WWC2: variants seen among roughly 807,000 people sequenced by gnomAD.
WWC2 encodes the protein WW and C2 domain containing 2.
Under a neutral mutation model 138.5 loss-of-function variants are expected in WWC2, and 101 were observed. The observed-to-expected ratio is 0.73, with a 90% confidence interval of 0.62 to 0.86. WWC2 has a LOEUF of 0.86. WWC2 is among the 40% of genes least tolerant of loss of function. The pLI is 0.00. For missense variants in WWC2, 1,420 were observed against 1,419.4 expected, an observed-to-expected ratio of 1.00 and a Z score of -0.01; for synonymous variants, 558 against 538.4, an observed-to-expected ratio of 1.04 and a Z score of -0.50.
chr4:183,184,241 T>A (rs1389956644), intron 1 of WWC2, among the ~76,000 whole-genome samples: 1 of 152,250 alleles, frequency 6.6e-6, no homozygotes, highest in Non-Finnish European at 1.5e-5. Flanking sequence ...TGTGACATTT[T>A]GTGCCTGGCT....
chr4:183,215,991 T>C (rs1180311812), intron 4 of WWC2, among the ~76,000 whole-genome samples: 1 of 152,198 alleles, frequency 6.6e-6, no homozygotes, highest in African/African-American at 2.4e-5. Context: ...CATTTGCTCA[T>C]ATTTTGAAGG....
At chr4:183,146,320 A>G (rs1467324245) in intron 1 of WWC2, among the ~76,000 whole-genome samples, 1 of 152,190 alleles carries the variant, frequency 6.6e-6, no homozygotes. Flanking sequence ...TTGAGAGGGC[A>G]CTATTCCAGA....
intron 1 of WWC2, among the ~76,000 whole-genome samples, chr4:183,105,890 A>C (rs1200853138): frequency 7.2e-6 from 1 of 138,104 alleles, no homozygotes; most frequent in East Asian, 2.0e-4. Context: ...ACTCTGTCTT[A>C]AAAAAAAAAA....
chr4:183,137,764 G>C (rs1363299731), intron 1 of WWC2, among the ~76,000 whole-genome samples: 2 of 152,196 alleles, frequency 1.3e-5, no homozygotes, highest in African/African-American at 4.8e-5. Flanking sequence ...CTCCCAAAAT[G>C]CTGGGTTTAC....
At chr4:183,165,704 A>G (rs1469381207) in intron 1 of WWC2, among the ~76,000 whole-genome samples, 2 of 152,356 alleles carry the variant, frequency 1.3e-5, no homozygotes, top group East Asian at 3.9e-4. Context: ...CAAAGAATGT[A>G]GAAACTATAT....
intron 9 of WWC2, among the ~76,000 whole-genome samples, chr4:183,257,397 G>T (rs1737184151): frequency 6.6e-6 from 1 of 152,174 alleles, no homozygotes; most frequent in African/African-American, 2.4e-5. Context: ...CTTCTCTCCT[G>T]CAGGGCACTG....
intron 21 of WWC2, among the ~76,000 whole-genome samples, chr4:183,290,498 C>T (rs1453024284): frequency 5.5e-5 from 8 of 145,886 alleles, no homozygotes; most frequent in Non-Finnish European, 7.5e-5. Flanking sequence ...GCCTGGGCGA[C>T]AGAGTGAGAC....
At chr4:183,181,865 G>A (rs1734642770) in intron 1 of WWC2, among the ~76,000 whole-genome samples, 1 of 152,020 alleles carries the variant, frequency 6.6e-6, no homozygotes, top group African/African-American at 2.4e-5. Context: ...AGTGAAGCAA[G>A]GACTTTAATA....
chr4:183,250,044 G>A, intron 8 of WWC2, 51 bp downstream of exon 8: 1 of 1,523,330 alleles, frequency 6.6e-7, no homozygotes, highest in Non-Finnish European at 9.1e-7. Flanking sequence ...TTCTTTTCCA[G>A]AATTAATCTT....
chr4:183,108,861 G>A (rs572919807), intron 1 of WWC2, among the ~76,000 whole-genome samples: 1 of 152,084 alleles, frequency 6.6e-6, no homozygotes, highest in East Asian at 1.9e-4. Context: ...TGCCTGCCTC[G>A]GCCTCCCAAA....
chr4:183,287,381 C>G (rs1225142229), intron 20 of WWC2, among the ~76,000 whole-genome samples: 1 of 152,154 alleles, frequency 6.6e-6, no homozygotes, highest in Non-Finnish European at 1.5e-5. Flanking sequence ...CTTCTCAACT[C>G]CTTTCTAAGT....
chr4:183,120,499 T>C (rs1346934826), intron 1 of WWC2, among the ~76,000 whole-genome samples: 1 of 152,180 alleles, frequency 6.6e-6, no homozygotes, highest in Non-Finnish European at 1.5e-5. Context: ...ACTTGGAGAT[T>C]ATGGAATTAC....
chr4:183,231,258 CTTTTTT>C (rs1192297768), intron 4 of WWC2, among the ~76,000 whole-genome samples: 21 of 75,330 alleles, frequency 2.8e-4, no homozygotes, highest in African/African-American at 8.3e-4. Flanking sequence ...ACAGTGAAAG[CTTTTTT>C]TTTTTTTTTT....
chr4:183,226,494 A>G (rs979642321), intron 4 of WWC2, among the ~76,000 whole-genome samples: 1 of 152,224 alleles, frequency 6.6e-6, no homozygotes, highest in South Asian at 2.1e-4. Context: ...TAGGGAATTT[A>G]TATAGGCTTA....
At chr4:183,237,457 G>GAT (rs1243251588) in intron 4 of WWC2, among the ~76,000 whole-genome samples, 2 of 152,024 alleles carry the variant, frequency 1.3e-5, no homozygotes, top group Non-Finnish European at 2.9e-5. Context: ...ATGTTTTTGT[G>GAT]ATATACTGCG....
At chr4:183,223,675 T>C (rs376329569) in intron 4 of WWC2, among the ~76,000 whole-genome samples, 1 of 152,208 alleles carries the variant, frequency 6.6e-6, no homozygotes, top group Admixed American at 6.5e-5. Context: ...TATATTGCAA[T>C]TGGTAAATAT....
At chr4:183,289,858 G>C (rs990611119) in intron 21 of WWC2, among the ~76,000 whole-genome samples, 87 of 151,888 alleles carry the variant, frequency 5.7e-4, no homozygotes, top group African/African-American at 2.1e-3. Flanking sequence ...TGTGGCAGCA[G>C]GGGATGGGCG....
At chr4:183,174,030 A>AAAACCCTCCAATTCTTCGGC (rs1429861601) in intron 1 of WWC2, among the ~76,000 whole-genome samples, 1 of 152,166 alleles carries the variant, frequency 6.6e-6, no homozygotes, top group Non-Finnish European at 1.5e-5. Context: ...TTTCCCAGGA[A>AAAACCCTCCAATTCTTCGGC]AAACCCTCCA....
chr4:183,210,013 G>C (rs1374799627), intron 4 of WWC2, among the ~76,000 whole-genome samples: 2 of 151,958 alleles, frequency 1.3e-5, no homozygotes, highest in Admixed American at 1.3e-4. Context: ...TAATTTGATG[G>C]CTCGCCTTGC....
Sources: gnomAD v4.1 joint callset for allele counts (sites outside exome capture counted in the v4.1 genomes callset) on GRCh38, gnomAD v4.1.1 for gene constraint, MANE v1.5 for transcripts, NCBI Gene and HGNC (gene_info 2026-07-23, HGNC 2026-07-21) for gene names.